The following ARHGEF11 variants were observed in gnomAD, a reference collection of about 807,000 sequenced individuals.
ARHGEF11 encodes Rho guanine nucleotide exchange factor 11.
A neutral mutation model predicts 193.7 loss-of-function variants in ARHGEF11; 55 were observed. That is an observed-to-expected ratio of 0.28 (90% CI 0.23 to 0.36). The LOEUF (loss-of-function observed/expected upper bound fraction) is 0.36, where lower values mean the gene tolerates loss of function less well. Ranked by LOEUF, ARHGEF11 falls within the 10% of genes least tolerant of loss-of-function variation. The pLI is 1.00. For synonymous variants in ARHGEF11, 693 were observed against 768.0 expected (o/e 0.90, Z 1.62); for missense variants, 1,723 against 2,005.6 (o/e 0.86, Z 2.69).
At chr1:157,006,310 A>G (rs1486754245) in intron 1 of ARHGEF11, among the ~76,000 whole-genome samples, 1 of 152,190 alleles carries the variant, frequency 6.6e-6, no homozygotes, top group Non-Finnish European at 1.5e-5. Flanking sequence ...AGCCAAAGAG[A>G]AAGTGGAGCT....
At chr1:156,963,123 A>G (rs952538192) in intron 13 of ARHGEF11, 80 bp downstream of exon 13, 1 of 1,104,558 alleles carries the variant, frequency 9.1e-7, no homozygotes, top group Non-Finnish European at 1.4e-6. Flanking sequence ...TGTAACAGCC[A>G]GGGAGCAGAA....
At chr1:156,941,473 T>G in intron 34 of ARHGEF11, 40 bp from the exon 35 acceptor site, 1 of 1,591,234 alleles carries the variant, frequency 6.3e-7, no homozygotes, top group Non-Finnish European at 8.6e-7. Flanking sequence ...TCCCATGAGA[T>G]TCCACCCTGG....
intron 35 of ARHGEF11, among the ~76,000 whole-genome samples, chr1:156,940,807 G>A (rs749820784): frequency 4.6e-5 from 7 of 152,138 alleles, no homozygotes; most frequent in Non-Finnish European, 1.0e-4. Context: ...GAATGAAGAC[G>A]TGAAGGAGGT....
chr1:156,987,905 G>A (rs1009172785), intron 1 of ARHGEF11, among the ~76,000 whole-genome samples: 1 of 152,140 alleles, frequency 6.6e-6, no homozygotes, highest in African/African-American at 2.4e-5. Context: ...ACAGAGCCAA[G>A]AGTGACCCAG....
In ARHGEF11 at chr1:156,948,430, C is replaced by T. The variant is rs749896940; in HGVS notation, c.1994G>A (p.Arg665Gln). The T allele has an allele frequency of 8.7e-6, 14 of 1,614,120 alleles. No homozygotes were observed. Among genetic ancestry groups the T allele is most frequent in the Admixed American group, 6.7e-5 (4 of 60,008 alleles). ...AGAGCGGGGCACGTTCTCTGCCTTTCGAGACCGTTTCATCTCTTCCCGGCC... is the reference window on the plus strand; with the variant it reads ...AGAGCGGGGCACGTTCTCTGCCTTTTGAGACCGTTTCATCTCTTCCCGGCC... ...LKGREEMKRS[R>Q]KAENVPRSRS... The change falls in exon 23 of 41, where the codon CGA becomes CAA. Residue 665 changes from arginine (R) to glutamine (Q), a missense_variant. Around this residue, in one of 5 missense-constraint regions of ARHGEF11, gnomAD observed 491 missense variants for 654.5 expected, o/e 0.75. Transcript: ENST00000368194. This position sits in a 1 kb window ranked among gnomAD's most constrained non-coding sequence, Gnocchi z 4.2.
intron 3 of ARHGEF11, among the ~76,000 whole-genome samples, chr1:156,981,195 C>T (rs1486338571): frequency 6.8e-6 from 1 of 146,584 alleles, no homozygotes; most frequent in Admixed American, 6.8e-5. Context: ...CCATGCCTGG[C>T]TAATTAAAAA....
intron 25 of ARHGEF11, 94 bp from the exon 26 acceptor site, chr1:156,947,544 A>G: frequency 7.0e-7 from 1 of 1,431,776 alleles, no homozygotes; most frequent in South Asian, 1.5e-5. Flanking sequence ...ACACCACTCT[A>G]TTTTTGGGGG....
At chr1:156,965,685 G>A (rs1297935743) in intron 11 of ARHGEF11, among the ~76,000 whole-genome samples, 1 of 152,040 alleles carries the variant, frequency 6.6e-6, no homozygotes, top group Non-Finnish European at 1.5e-5. Flanking sequence ...TGTGAATTTG[G>A]CAGCCCAACC....
intron 1 of ARHGEF11, among the ~76,000 whole-genome samples, chr1:156,999,627 G>T (rs773947532): frequency 1.3e-5 from 2 of 152,134 alleles, no homozygotes; most frequent in Non-Finnish European, 2.9e-5. Context: ...GCAATTCTGT[G>T]TCTGCATTGG....
intron 1 of ARHGEF11, among the ~76,000 whole-genome samples, chr1:157,040,573 T>C (rs1162469837): frequency 6.6e-6 from 1 of 152,196 alleles, no homozygotes; most frequent in Non-Finnish European, 1.5e-5. Flanking sequence ...TCAGTAACCC[T>C]TCTCTTCTCA....
At chr1:156,941,309 C>T (rs1656845580) in intron 35 of ARHGEF11, 63 bp downstream of exon 35, 12 of 1,557,074 alleles carry the variant, frequency 7.7e-6, no homozygotes, top group East Asian at 2.2e-5. Context: ...CATACTCACA[C>T]CCAACCTGTG....
At chr1:157,037,237 C>T (rs1406193937) in intron 1 of ARHGEF11, among the ~76,000 whole-genome samples, 6 of 152,190 alleles carry the variant, frequency 3.9e-5, no homozygotes, top group Admixed American at 1.3e-4. Context: ...CCACCATAAC[C>T]GTTCTGATTC....
At position 156,963,593 on chromosome 1, in the gene ARHGEF11, C is replaced by T. The variant is rs559931812; in HGVS notation, c.965G>A (p.Gly322Asp). Reference sequence around the variant, plus strand: ...TAAAGGCTTTGGGCTTTGATCTACACCCTGGGGGAGAGAGTCAAATTGCAG... The same window carrying T: ...TAAAGGCTTTGGGCTTTGATCTACATCCTGGGGGAGAGAGTCAAATTGCAG... ...DAAVPSTGDQ[G>D]VDQSPKPLII... The change falls in exon 12 of 41, where the codon GGT (glycine) becomes GAT (aspartate). Residue 322 changes from glycine to aspartate, a missense_variant and splice_region_variant. This residue lies in a region of ARHGEF11 where 646 missense variants were observed against 710.7 expected (regional missense o/e 0.91). Coordinates refer to ENST00000368194, the MANE Select transcript of ARHGEF11 (RefSeq NM_198236.3). 4 of 1,613,884 alleles carry T rather than the reference C, an allele frequency of 2.5e-6. No individual in the cohort carries two copies. In the East Asian group the frequency reaches 6.7e-5, roughly 27 times the overall value.
chr1:156,936,127 A>G (rs1655034593), intron 40 of ARHGEF11, 69 bp from the exon 41 acceptor site: 1 of 1,496,892 alleles, frequency 6.7e-7, no homozygotes, highest in Non-Finnish European at 9.3e-7. Flanking sequence ...TTTTGTCTAG[A>G]AAGTTCAGGC....
Position 156,939,678 on chromosome 1 carries a change from G to C in ARHGEF11, c.3966C>G (p.Leu1322=), listed in dbSNP as rs201030188. 19 of 1,614,064 alleles carry C rather than the reference G, an allele frequency of 1.2e-5. No homozygotes were observed. The highest frequency in any genetic ancestry group is 9.3e-5 in the African/African-American group (7 of 75,054). Residue 1322 remains leucine (L), a synonymous_variant, in exon 37 of 41, where the codon CTC becomes CTG. Transcript: ENST00000368194. ...TTGGGGGTAGGTGTTCCAGAGAACA[G>C]AGACCCATGTCTTCCTGCTCTGGCC... is the stretch of plus-strand genomic sequence containing the variant. ...GERPEQEDMG[L]CSLEHLPPRT...
Position 156,941,158 on chromosome 1 carries a change from T to C in ARHGEF11, c.3514+214A>G, listed in dbSNP as rs545995992. 1.6e-4 allele frequency among the ~76,000 whole-genome samples: 25 copies of C among 152,210 alleles called. No homozygotes were observed. The South Asian group carries it at 4.8e-3, about 29-fold the overall frequency. Reference sequence around the variant, plus strand: ...AGAGAGGCTGGGTGGGAATTTCTGGTCAGGTGAGCGAGTTCACCCTTTCTT... The same window carrying C: ...AGAGAGGCTGGGTGGGAATTTCTGGCCAGGTGAGCGAGTTCACCCTTTCTT... On this transcript the variant is annotated intron_variant, in intron 35 of 40. Coordinates refer to ENST00000368194, the MANE Select transcript of ARHGEF11 (RefSeq NM_198236.3).
chr1:156,983,300 G>A (rs901711300), intron 3 of ARHGEF11, among the ~76,000 whole-genome samples: 1 of 152,026 alleles, frequency 6.6e-6, no homozygotes, highest in Non-Finnish European at 1.5e-5. Context: ...TTGGCTCACC[G>A]CAAGCTCCGG....
At chr1:157,026,074 T>C (rs1219741406) in intron 1 of ARHGEF11, among the ~76,000 whole-genome samples, 1 of 152,106 alleles carries the variant, frequency 6.6e-6, no homozygotes. Context: ...AGACAGAAAA[T>C]AAAATGAAGC....
At chr1:156,983,504 G>A (rs1304923742) in intron 3 of ARHGEF11, among the ~76,000 whole-genome samples, 1 of 152,216 alleles carries the variant, frequency 6.6e-6, no homozygotes, top group Non-Finnish European at 1.5e-5. Context: ...TTACAGGCGT[G>A]AGCCACCACA....
Sources: allele counts gnomAD v4.1 joint callset (sites outside exome capture counted in the v4.1 genomes callset), GRCh38; gene constraint gnomAD v4.1.1; regional missense constraint gnomAD v4.1.1; non-coding constraint Gnocchi (gnomAD v3.1); transcripts MANE v1.5; gene names NCBI Gene and HGNC (gene_info 2026-07-23, HGNC 2026-07-21).